Variants in NEK9 observed in about 807,000 individuals in gnomAD.
The protein encoded by NEK9 is serine/threonine-protein kinase Nek9.
NEK9 carries 75 observed loss-of-function variants against 123.4 expected under a neutral mutation model. The observed-to-expected ratio is 0.61, with a 90% confidence interval of 0.50 to 0.74. NEK9 has a LOEUF of 0.74. NEK9 is among the 30% of genes least tolerant of loss of function. The pLI is 0.00. For missense variants in NEK9, 952 were observed against 1,214.4 expected, an observed-to-expected ratio of 0.78 and a Z score of 3.21; for synonymous variants, 438 against 458.7, an observed-to-expected ratio of 0.95 and a Z score of 0.58.
chr14:75,097,295 C>T (rs1365652989), intron 16 of NEK9, 25 bp from the exon 17 acceptor site: 1 of 1,551,924 alleles, frequency 6.4e-7, no homozygotes, highest in Non-Finnish European at 8.7e-7. Flanking sequence ...AAACAGTAGA[C>T]CATTTAACAG....
At chr14:75,091,551 C>T (rs1184172423) in intron 18 of NEK9, 73 bp from the exon 19 acceptor site, 8 of 1,309,204 alleles carry the variant, frequency 6.1e-6, no homozygotes, top group Non-Finnish European at 7.1e-6. Flanking sequence ...GACAACCCTA[C>T]TTACCCTGGA....
intron 6 of NEK9, chr14:75,116,481 C>A: frequency 2.8e-6 from 1 of 360,616 alleles, no homozygotes; most frequent in South Asian, 2.6e-5. Flanking sequence ...ACTAGATTTG[C>A]ATTCTTTTAC....
intron 1 of NEK9, among the ~76,000 whole-genome samples, chr14:75,124,684 C>T (rs1460370559): frequency 6.6e-6 from 1 of 151,916 alleles, no homozygotes; most frequent in Non-Finnish European, 1.5e-5. Flanking sequence ...TTCACCTACC[C>T]TTTCTGGATA....
intron 5 of NEK9, among the ~76,000 whole-genome samples, chr14:75,118,193 AC>A (rs1265299574): frequency 3.3e-5 from 5 of 152,166 alleles, no homozygotes; most frequent in African/African-American, 9.7e-5. Flanking sequence ...TTGCAGGCAA[AC>A]CTTGACATTA....
chr14:75,092,043 G>T (rs1016621342), intron 18 of NEK9, among the ~76,000 whole-genome samples: 1 of 151,938 alleles, frequency 6.6e-6, no homozygotes, highest in Non-Finnish European at 1.5e-5. Context: ...GCAGTGGCCC[G>T]ATCTTGGCTC....
intron 13 of NEK9, 38 bp downstream of exon 13, chr14:75,105,912 T>G: frequency 6.6e-7 from 1 of 1,525,742 alleles, no homozygotes; most frequent in Non-Finnish European, 9.1e-7. Flanking sequence ...CTGTGCGACT[T>G]AAGATAGGTT....
At position 75,109,815 on chromosome 14, in the gene NEK9, A is replaced by T. The variant is rs1168472223; in HGVS notation, c.1052T>A (p.Val351Asp). ...GGGGGTGGATTTTCCACCACCCCAA[A>T]CATAGACTTCACTGGTTCGTGATGT... Reference protein sequence around the residue: ...VVTSRTSEVYVWGGGKSTPQK... With the variant: ...VVTSRTSEVYDWGGGKSTPQK... Residue 351 changes from valine (V) to aspartate (D), a missense_variant, in exon 10 of 22, where the codon GTT becomes GAT. Physicochemically the swap from Val to Asp is radical, Grantham distance 152. Coordinates refer to ENST00000238616, the MANE Select transcript of NEK9 (RefSeq NM_033116.6). 1.9e-6 allele frequency: 3 copies of T among 1,614,002 alleles called. No homozygotes were observed. The highest frequency in any genetic ancestry group is 2.5e-6 in the Non-Finnish European group (3 of 1,180,016).
chr14:75,104,132 T>G, intron 13 of NEK9, 135 bp from the exon 14 acceptor site: 1 of 890,176 alleles, frequency 1.1e-6, no homozygotes, highest in Non-Finnish European at 1.6e-6. Flanking sequence ...CTCTATTCTT[T>G]TCAGGTTTGC....
At position 75,124,084 on chromosome 14, in the gene NEK9, T is replaced by C; in HGVS notation, c.359A>G (p.Asp120Gly). The change falls in exon 2 of 22, where the codon GAC becomes GGC. Residue 120 changes from aspartate to glycine, a missense_variant. By Grantham distance (94) the Asp-to-Gly change is moderately conservative. Around this residue, in one of 4 missense-constraint regions of NEK9, gnomAD observed 106 missense variants for 153.0 expected, o/e 0.69. Coordinates refer to ENST00000238616, the MANE Select transcript of NEK9 (RefSeq NM_033116.6). ...NIIAYYNHFM[D>G]NTTLLIELEY... ...CAGCTCAATCAGCAGCGTGGTATTG[T>C]CCATGAAGTGATTGTAGTAGGCAAT... 1 of 1,614,150 alleles carries C rather than the reference T, an allele frequency of 6.2e-7. No individual in the cohort carries two copies. Among genetic ancestry groups the C allele is most frequent in the Non-Finnish European group, 8.5e-7 (1 of 1,179,968 alleles).
intron 6 of NEK9, among the ~76,000 whole-genome samples, chr14:75,115,963 C>G (rs748123470): frequency 6.6e-6 from 1 of 151,678 alleles, no homozygotes; most frequent in Non-Finnish European, 1.5e-5. Context: ...CATTTTTTTC[C>G]TAGTTAATGA....
At chr14:75,113,243 G>A in intron 8 of NEK9, 96 bp downstream of exon 8, 1 of 961,910 alleles carries the variant, frequency 1.0e-6, no homozygotes, top group Non-Finnish European at 1.6e-6. Flanking sequence ...TTGCAACCAA[G>A]TCAGGAAACA....
chr14:75,122,018 A>C (rs191770899), intron 2 of NEK9, among the ~76,000 whole-genome samples: 2 of 152,300 alleles, frequency 1.3e-5, no homozygotes, highest in Admixed American at 1.3e-4. Context: ...TCTCTTTACT[A>C]ATTTCTTCCT....
At chr14:75,100,403 G>A (rs567327387) in intron 16 of NEK9, among the ~76,000 whole-genome samples, 4 of 152,194 alleles carry the variant, frequency 2.6e-5, no homozygotes, top group South Asian at 2.1e-4. Flanking sequence ...CCGAGATTGC[G>A]CCATTGCACT....
chr14:75,119,046 T>G (rs757203521), intron 4 of NEK9, 111 bp from the exon 5 acceptor site: 1 of 669,528 alleles, frequency 1.5e-6, no homozygotes, highest in Non-Finnish European at 2.6e-6. Flanking sequence ...CCGGGTACAG[T>G]GGCTCACATC....
In NEK9 at chr14:75,126,850, AC is replaced by A; in HGVS notation, c.71del (p.Gly24ValfsTer62). ...INSDFGSESG[G>X]CGDSSPGPSA... ...TAGGCCCCGGACTCGAGTCCCCGCA[AC>A]CCCCGGACTCGCTCCCAAAGTCCGA... is the stretch of plus-strand genomic sequence containing the variant. On this transcript the variant is annotated frameshift_variant, in exon 1 of 22. Coordinates refer to ENST00000238616, the MANE Select transcript of NEK9 (RefSeq NM_033116.6). LOFTEE classifies it high-confidence loss of function. The A allele has an allele frequency of 1.3e-6, 2 of 1,532,800 alleles. No individual in the cohort carries two copies. Among genetic ancestry groups the A allele is most frequent in the Non-Finnish European group, 1.8e-6 (2 of 1,140,222 alleles). The allele number at this position is 1,532,800 out of a possible 1,614,324, so 94.9% of individuals were successfully genotyped here. A position where few individuals can be genotyped will look rare whatever the true frequency, so the allele number is the denominator to read the frequency against.
chr14:75,104,323 G>A (rs175469), intron 13 of NEK9, among the ~76,000 whole-genome samples: 75,629 of 151,478 alleles, frequency 0.5, 19,411 homozygotes, highest in Middle Eastern at 0.56. Context: ...ATGCCACCAC[G>A]CCCAGCTAAT....
intron 9 of NEK9, 56 bp downstream of exon 9, chr14:75,110,265 A>C: frequency 7.3e-7 from 1 of 1,363,416 alleles, no homozygotes; most frequent in Non-Finnish European, 1.0e-6. Context: ...CTCAAGAAAG[A>C]ACCCCCTGGT....
chr14:75,097,095 C>G lies in NEK9; in HGVS notation c.2173+5G>C, dbSNP rs756036389. 6.3e-7 allele frequency: 1 copy of G among 1,599,472 alleles called. No homozygotes were observed. Among genetic ancestry groups the G allele is most frequent in the East Asian group, 2.2e-5 (1 of 44,716 alleles). ...ATCCCAACCCCAGACATATGAAACT[C>G]TTACCAACGATGAGAATGGTATGCC... On this transcript the variant is annotated splice_donor_5th_base_variant and intron_variant, in intron 17 of 21. Coordinates refer to ENST00000238616, the MANE Select transcript of NEK9 (RefSeq NM_033116.6).
rs545484102 is a variant in NEK9 at position 75,089,370 on chromosome 14, A to T, written c.2443-729T>A. 1.7e-3 allele frequency among the ~76,000 whole-genome samples: 253 copies of T among 148,646 alleles called. 1 individual carries two copies. Among genetic ancestry groups the T allele is most frequent in the Middle Eastern group, 0.015 (4 of 266 alleles). Reference sequence around the variant, plus strand: ...AGCCTCCCAAGTAGCTGGGATTACAAGCGTGTACCACCACAACTGGCTAAT... The same window carrying T: ...AGCCTCCCAAGTAGCTGGGATTACATGCGTGTACCACCACAACTGGCTAAT... On this transcript the variant is annotated intron_variant, in intron 19 of 21. Coordinates refer to ENST00000238616, the MANE Select transcript of NEK9 (RefSeq NM_033116.6).
Sources: allele counts gnomAD v4.1 joint callset (sites outside exome capture counted in the v4.1 genomes callset), GRCh38; gene constraint gnomAD v4.1.1; regional missense constraint gnomAD v4.1.1; transcripts MANE v1.5; gene names NCBI Gene and HGNC (gene_info 2026-07-23, HGNC 2026-07-21).